Variants in FANCL observed in about 807,000 individuals in gnomAD.
The protein encoded by FANCL is FA complementation group L.
Under a neutral mutation model 59.4 loss-of-function variants are expected in FANCL, and 69 were observed. The observed-to-expected ratio is 1.16, with a 90% CI of 0.96 to 1.42. FANCL has a LOEUF of 1.42. Among genes scored for constraint, FANCL ranks in the 40% most tolerant of loss-of-function variants. The probability of loss-of-function intolerance (pLI) is 0.00; values close to 1 mark genes in which losing one functional copy is unlikely to be tolerated. For missense variants in FANCL, 519 were observed against 447.2 expected (o/e 1.16, Z -1.45); for synonymous variants, 180 against 147.1 (o/e 1.22, Z -1.62).
chr2:58,173,811 T>G (rs1686950795), intron 7 of FANCL, among the ~76,000 whole-genome samples: 1 of 152,086 alleles, frequency 6.6e-6, no homozygotes, highest in Admixed American at 6.6e-5. Context: ...GTAAATGGAC[T>G]AAATGCTCCA....
At chr2:58,236,146 C>A (rs1232773712) in intron 1 of FANCL, among the ~76,000 whole-genome samples, 3 of 151,100 alleles carry the variant, frequency 2.0e-5, no homozygotes, top group Non-Finnish European at 4.4e-5. Flanking sequence ...CTCCACAGAC[C>A]TTACGGAGGA....
chr2:58,210,866 G>C (rs187714952), intron 5 of FANCL, among the ~76,000 whole-genome samples: 16 of 152,288 alleles, frequency 1.1e-4, no homozygotes, highest in Admixed American at 5.9e-4. Context: ...GCTGATACAA[G>C]AGTTGAGTTC....
chr2:58,238,703 T>C (rs538697764), intron 1 of FANCL, among the ~76,000 whole-genome samples: 10 of 152,112 alleles, frequency 6.6e-5, no homozygotes, highest in Non-Finnish European at 1.5e-4. Context: ...TACTGTCTAA[T>C]TACAATACAA....
intron 4 of FANCL, among the ~76,000 whole-genome samples, chr2:58,226,359 T>C (rs1032881457): frequency 1.3e-5 from 2 of 152,316 alleles, no homozygotes; most frequent in South Asian, 2.1e-4. Context: ...TTTTCAGATA[T>C]CTGTAGCTAT....
chr2:58,207,649 T>C (rs1377837489), intron 5 of FANCL, among the ~76,000 whole-genome samples: 4 of 152,184 alleles, frequency 2.6e-5, no homozygotes. Context: ...ATAGAGACTA[T>C]TTGTATCAAT....
intron 7 of FANCL, among the ~76,000 whole-genome samples, chr2:58,195,629 C>A (rs1394445400): frequency 1.3e-5 from 2 of 151,574 alleles, no homozygotes; most frequent in Non-Finnish European, 2.9e-5. Flanking sequence ...AAAAGACATG[C>A]CACAGAGATA....
intron 5 of FANCL, among the ~76,000 whole-genome samples, chr2:58,215,673 A>C (rs979362860): frequency 4.6e-5 from 7 of 151,324 alleles, no homozygotes; most frequent in Admixed American, 2.6e-4. Flanking sequence ...ATCTGGGCAA[A>C]GAGCCCAGAT....
chr2:58,233,972 C>A (rs1693800465), intron 1 of FANCL, among the ~76,000 whole-genome samples: 1 of 151,988 alleles, frequency 6.6e-6, no homozygotes, highest in Admixed American at 6.6e-5. Context: ...CTCCTTCCCA[C>A]CCAGCACTCG....
chr2:58,160,339 T>A (rs188944918), intron 12 of FANCL, among the ~76,000 whole-genome samples, 160 bp from the exon 13 acceptor site: 1 of 152,018 alleles, frequency 6.6e-6, no homozygotes, highest in Non-Finnish European at 1.5e-5. Context: ...CCTGAGCCAA[T>A]AGCAGACTAT....
intron 13 of FANCL, 125 bp downstream of exon 13, chr2:58,159,983 A>C: frequency 6.5e-7 from 1 of 1,535,312 alleles, no homozygotes; most frequent in Non-Finnish European, 8.7e-7. Flanking sequence ...AATTTGAAAA[A>C]TAGAAATACA....
At chr2:58,211,002 T>A (rs186882366) in intron 5 of FANCL, among the ~76,000 whole-genome samples, 137 of 152,240 alleles carry the variant, frequency 9.0e-4, no homozygotes, top group Non-Finnish European at 1.5e-3. Flanking sequence ...TGTCAGTGGA[T>A]CTACCATTCT....
intron 7 of FANCL, among the ~76,000 whole-genome samples, chr2:58,177,542 A>G (rs563721327): frequency 6.4e-4 from 96 of 149,578 alleles, no homozygotes; most frequent in African/African-American, 2.2e-3. Flanking sequence ...CAAAAAACCA[A>G]ACACCGCATA....
chr2:58,210,504 CCT>C (rs1200706503), intron 5 of FANCL, among the ~76,000 whole-genome samples: 6 of 152,024 alleles, frequency 3.9e-5, no homozygotes, highest in Non-Finnish European at 5.9e-5. Context: ...TCATTCTACC[CCT>C]GACCCCTCCC....
At chr2:58,199,759 C>A (rs1467536225) in intron 6 of FANCL, among the ~76,000 whole-genome samples, 1 of 152,032 alleles carries the variant, frequency 6.6e-6, no homozygotes, top group East Asian at 1.9e-4. Context: ...ATACCCATTT[C>A]TTTTCATTAA....
At chr2:58,159,878 CAT>C in intron 13 of FANCL, 78 bp from the exon 14 acceptor site, 1 of 1,592,458 alleles carries the variant, frequency 6.3e-7, no homozygotes, top group Non-Finnish European at 8.5e-7. Flanking sequence ...GAAATAGTGT[CAT>C]AGAATAGTGT....
At chr2:58,176,360 C>G (rs1488112480) in intron 7 of FANCL, among the ~76,000 whole-genome samples, 2 of 151,732 alleles carry the variant, frequency 1.3e-5, no homozygotes, top group Admixed American at 6.6e-5. Flanking sequence ...GGAGGCATCA[C>G]GCTACCTGAC....
chr2:58,163,046 G>A lies in FANCL; in HGVS notation c.804C>T (p.Ser268=), dbSNP rs1327227877. ...GTACCTACCACAAATGTATGTTCCT[G>A]CTCAGCTTAATTCCCAGGGGTTTTA... ...HVVKPLGIKL[S]RNIHLWDPEN... is the part of the protein sequence containing the mutation. The change falls in exon 10 of 14, where the codon AGC becomes AGT. Residue 268 remains serine (S), a synonymous_variant. Coordinates refer to ENST00000233741, the MANE Select transcript of FANCL (RefSeq NM_018062.4). 1.4e-5 allele frequency: 23 copies of A among 1,612,126 alleles called. No homozygotes were observed. The East Asian group carries it at 4.9e-4, about 34-fold the overall frequency.
chr2:58,169,314 G>A (rs1402429606), intron 7 of FANCL, among the ~76,000 whole-genome samples: 3 of 152,022 alleles, frequency 2.0e-5, no homozygotes, highest in African/African-American at 4.8e-5. Context: ...GCAGCAGAGG[G>A]GTCTGTTAGA....
intron 6 of FANCL, among the ~76,000 whole-genome samples, chr2:58,203,836 A>G (rs1225810362): frequency 2.0e-5 from 3 of 152,060 alleles, no homozygotes; most frequent in African/African-American, 2.4e-5. Context: ...TACATGTTAC[A>G]TGTAGGATGT....
Sources: allele counts gnomAD v4.1 joint callset (sites outside exome capture counted in the v4.1 genomes callset), GRCh38; gene constraint gnomAD v4.1.1; transcripts MANE v1.5; gene names NCBI Gene and HGNC (gene_info 2026-07-23, HGNC 2026-07-21).